ZNF827: variants seen among roughly 807,000 people sequenced by gnomAD.
ZNF827 encodes the protein zinc finger protein 827.
In ZNF827, 13 loss-of-function variants were observed where a neutral mutation model predicts 102.4. That is an observed-to-expected ratio of 0.13 (90% CI 0.08 to 0.20). The LOEUF (loss-of-function observed/expected upper bound fraction) is 0.20, where lower values mean the gene tolerates loss of function less well. ZNF827 is among the 10% of genes least tolerant of loss of function. The pLI, the probability that ZNF827 is intolerant of heterozygous loss-of-function variation, is 1.00. For synonymous variants in ZNF827, 523 were observed against 536.2 expected, an observed-to-expected ratio of 0.98 and a Z score of 0.34; for missense variants, 1,103 against 1,344.4, an observed-to-expected ratio of 0.82 and a Z score of 2.81.
At chr4:145,801,518 G>C (rs752049203) in intron 8 of ZNF827, among the ~76,000 whole-genome samples, 1 of 152,164 alleles carries the variant, frequency 6.6e-6, no homozygotes, top group African/African-American at 2.4e-5. Flanking sequence ...TTTTTAGAGA[G>C]AGTGGGGAAG....
chr4:145,838,833 A>T (rs1745137666), intron 7 of ZNF827, among the ~76,000 whole-genome samples: 1 of 152,212 alleles, frequency 6.6e-6, no homozygotes, highest in Non-Finnish European at 1.5e-5. Flanking sequence ...CTCCTATATT[A>T]TCTGGAAATA....
At chr4:145,774,695 A>G (rs1480299318) in intron 10 of ZNF827, 23 bp from the exon 11 acceptor site, 3 of 1,605,026 alleles carry the variant, frequency 1.9e-6, no homozygotes, top group Non-Finnish European at 2.6e-6. Flanking sequence ...GTAAAAGAAA[A>G]GAGGGGGAGA....
intron 8 of ZNF827, among the ~76,000 whole-genome samples, chr4:145,788,715 C>T (rs768059350): frequency 5.9e-5 from 9 of 152,160 alleles, no homozygotes; most frequent in Non-Finnish European, 1.0e-4. Flanking sequence ...TATTATCTTG[C>T]CCATTACACA....
At position 145,761,210 on chromosome 4, in the gene ZNF827, C is replaced by T. The variant is rs561734416; in HGVS notation, c.*406G>A. On this transcript the variant is annotated 3_prime_UTR_variant, in exon 15 of 15. Coordinates refer to ENST00000508784, the MANE Select transcript of ZNF827 (RefSeq NM_001306215.2). This position sits in a 1 kb window ranked among gnomAD's most constrained non-coding sequence, Gnocchi z 6.8. ...CAGTCCCCACTCTGGTGCTTCTTGA[C>T]GTGGCGGCTGAAGACGAAAGGGTGT... 3 of 1,289,738 alleles carry T rather than the reference C, an allele frequency of 2.3e-6. No homozygotes were observed. Among genetic ancestry groups the T allele is most frequent in the Non-Finnish European group, 3.0e-6 (3 of 988,884 alleles). The allele number at this position is 1,289,738 out of a possible 1,614,324, so 79.9% of individuals were successfully genotyped here.
At chr4:145,778,469 C>G (rs761298543) in intron 9 of ZNF827, among the ~76,000 whole-genome samples, 1 of 151,984 alleles carries the variant, frequency 6.6e-6, no homozygotes, top group Non-Finnish European at 1.5e-5. Context: ...GTTAGCTGGG[C>G]ATAGTGGCAG....
chr4:145,920,026 T>C (rs1354609694), intron 1 of ZNF827, among the ~76,000 whole-genome samples: 1 of 152,262 alleles, frequency 6.6e-6, no homozygotes, highest in Non-Finnish European at 1.5e-5. Flanking sequence ...GAGTATAAGA[T>C]ACTAATATCT....
chr4:145,883,956 T>C (rs1429320725), intron 4 of ZNF827, among the ~76,000 whole-genome samples: 1 of 152,092 alleles, frequency 6.6e-6, no homozygotes, highest in African/African-American at 2.4e-5. Flanking sequence ...CATGAAAACA[T>C]GTATTTTCCC....
chr4:145,854,702 T>C (rs569192380), intron 5 of ZNF827, among the ~76,000 whole-genome samples: 49 of 152,354 alleles, frequency 3.2e-4, no homozygotes, highest in African/African-American at 1.1e-3. Flanking sequence ...CCTTGTCTTA[T>C]CTTTTGTTAT....
At chr4:145,868,833 G>C (rs1393159766) in intron 5 of ZNF827, among the ~76,000 whole-genome samples, 2 of 152,188 alleles carry the variant, frequency 1.3e-5, no homozygotes, top group Non-Finnish European at 2.9e-5. Context: ...TGTTGGTTAA[G>C]ACTTCAAGTC....
chr4:145,837,641 A>T (rs867986968), intron 7 of ZNF827, among the ~76,000 whole-genome samples: 3 of 152,162 alleles, frequency 2.0e-5, no homozygotes, highest in African/African-American at 4.8e-5. Flanking sequence ...CTGCCACTCT[A>T]AACTCTTGAA....
chr4:145,779,595 G>A (rs1737651457), intron 8 of ZNF827, 84 bp from the exon 9 acceptor site: 2 of 1,518,902 alleles, frequency 1.3e-6, no homozygotes, highest in Non-Finnish European at 1.8e-6. Context: ...TTTCAGCAGA[G>A]CCTTCTCTCT....
chr4:145,933,797 A>AAC (rs905921451), intron 1 of ZNF827, among the ~76,000 whole-genome samples: 8 of 151,646 alleles, frequency 5.3e-5, no homozygotes, highest in African/African-American at 1.9e-4. Flanking sequence ...GAAAAAAAAA[A>AAC]AAACAAAAAA....
chr4:145,937,441 C>A (rs1213490891), intron 1 of ZNF827, among the ~76,000 whole-genome samples: 1 of 151,786 alleles, frequency 6.6e-6, no homozygotes, highest in Non-Finnish European at 1.5e-5. Context: ...CTGCTCCTCC[C>A]TCTCCTCCGC....
At chr4:145,872,694 T>A (rs1434901012) in intron 4 of ZNF827, among the ~76,000 whole-genome samples, 1 of 151,784 alleles carries the variant, frequency 6.6e-6, no homozygotes, top group Non-Finnish European at 1.5e-5. Context: ...CTGGCCAACA[T>A]GGTGAAACCC....
chr4:145,861,085 T>C (rs1034333650), intron 5 of ZNF827, among the ~76,000 whole-genome samples: 1 of 152,194 alleles, frequency 6.6e-6, no homozygotes, highest in Non-Finnish European at 1.5e-5. Flanking sequence ...GAGGATTCCC[T>C]TCTCAAGGGG....
At chr4:145,905,426 ATTAAG>A (rs1425881424) in intron 1 of ZNF827, among the ~76,000 whole-genome samples, 2 of 152,228 alleles carry the variant, frequency 1.3e-5, no homozygotes, top group Non-Finnish European at 1.5e-5. Context: ...GAGATTCTTT[ATTAAG>A]TTATCAAGAA....
Position 145,758,060 on chromosome 4 carries a change from A to ATT in ZNF827, c.*3554_*3555dup, listed in dbSNP as rs1462898199. ...CTGCAAACCAAATTCAGGGGTACAT[A>ATT]TTTTCTAGGGTGGAGTCTGAAAAAT... is the stretch of plus-strand genomic sequence containing the variant. On this transcript the variant is annotated 3_prime_UTR_variant, in exon 15 of 15. Coordinates refer to ENST00000508784, the MANE Select transcript of ZNF827 (RefSeq NM_001306215.2). 5.3e-5 allele frequency: 8 copies of ATT among 152,164 alleles called. No homozygotes were observed. The highest frequency in any genetic ancestry group is 1.2e-4 in the Non-Finnish European group (8 of 68,024). The allele number at this position is 152,164 out of a possible 1,614,324, so 9.4% of individuals were successfully genotyped here.
chr4:145,894,674 T>A (rs1000962594), intron 2 of ZNF827, among the ~76,000 whole-genome samples: 2 of 152,210 alleles, frequency 1.3e-5, no homozygotes, highest in East Asian at 3.8e-4. Flanking sequence ...TTCCACCACA[T>A]GTATTTCCTT....
At chr4:145,777,112 C>A (rs1278064518) in intron 9 of ZNF827, among the ~76,000 whole-genome samples, 1 of 152,180 alleles carries the variant, frequency 6.6e-6, no homozygotes, top group Non-Finnish European at 1.5e-5. Context: ...GAAAAAAGTT[C>A]TTCTCTACAA....
Sources: allele counts gnomAD v4.1 joint callset (sites outside exome capture counted in the v4.1 genomes callset), GRCh38; gene constraint gnomAD v4.1.1; non-coding constraint Gnocchi (gnomAD v3.1); transcripts MANE v1.5; gene names NCBI Gene and HGNC (gene_info 2026-07-23, HGNC 2026-07-21).